RHBDD1: variants seen among roughly 807,000 people sequenced by gnomAD.
RHBDD1 encodes the protein rhomboid-related protein 4.
In RHBDD1, 38 loss-of-function variants were observed where a neutral mutation model predicts 36.3. The observed-to-expected ratio is 1.05, with a 90% CI of 0.81 to 1.37. RHBDD1 has a LOEUF of 1.37. Ranked by LOEUF, RHBDD1 falls within the 40% of genes most tolerant of loss-of-function variation. The pLI is 0.00. For synonymous variants in RHBDD1, 151 were observed against 136.5 expected (o/e 1.11, Z -0.74); for missense variants, 393 against 377.6 (o/e 1.04, Z -0.34).
At chr2:226,976,962 A>G (rs1954704531) in intron 8 of RHBDD1, among the ~76,000 whole-genome samples, 1 of 152,200 alleles carries the variant, frequency 6.6e-6, no homozygotes, top group African/African-American at 2.4e-5. Flanking sequence ...CCAAACAAAC[A>G]GGGTGGATGG....
At chr2:226,800,958 C>T in the RHBDD1 span, among the ~76,000 whole-genome samples, 1 of 152,204 alleles carries the variant, frequency 6.6e-6, no homozygotes, top group South Asian at 2.1e-4. Flanking sequence ...ACAAACGCTC[C>T]CCAGAGTTTT....
chr2:226,981,394 G>C (rs1575440591), intron 8 of RHBDD1, among the ~76,000 whole-genome samples: 2 of 149,978 alleles, frequency 1.3e-5, no homozygotes, highest in Admixed American at 1.3e-4. Context: ...GGAGCTCATT[G>C]AACTTCAAAA....
At chr2:226,842,325 T>C (rs905121083) in intron 3 of RHBDD1, among the ~76,000 whole-genome samples, 17 of 152,232 alleles carry the variant, frequency 1.1e-4, no homozygotes, top group African/African-American at 4.1e-4. Context: ...TTGCTTTTGT[T>C]GCAATTGCTT....
chr2:226,911,992 TC>T (rs1948551168), intron 7 of RHBDD1, among the ~76,000 whole-genome samples: 2 of 152,298 alleles, frequency 1.3e-5, no homozygotes, highest in African/African-American at 4.8e-5. Flanking sequence ...TCTTTTACTT[TC>T]AAGGACGTTC....
At chr2:226,986,701 G>A (rs1267546162) in intron 8 of RHBDD1, among the ~76,000 whole-genome samples, 2 of 152,218 alleles carry the variant, frequency 1.3e-5, no homozygotes, top group Non-Finnish European at 2.9e-5. Flanking sequence ...GAGAGGATGT[G>A]GAAAATGGGA....
At chr2:226,876,857 G>A (rs1945281730) in intron 5 of RHBDD1, among the ~76,000 whole-genome samples, 1 of 152,098 alleles carries the variant, frequency 6.6e-6, no homozygotes, top group Non-Finnish European at 1.5e-5. Flanking sequence ...AGCACAATAT[G>A]TGTTCACATA....
Position 226,997,597 on chromosome 2 carries a change from T to C in RHBDD1, c.*2075T>C, listed in dbSNP as rs1959749218. Reference sequence around the variant, plus strand: ...AGTATTTTTTCCATTGTATTAAGAGTCCAGTCACTGTATATGGAAGTATTT... The same window carrying C: ...AGTATTTTTTCCATTGTATTAAGAGCCCAGTCACTGTATATGGAAGTATTT... On this transcript the variant is annotated 3_prime_UTR_variant, in exon 9 of 9. Transcript: ENST00000392062. 1 of 152,148 alleles carries C rather than the reference T, an allele frequency of 6.6e-6. No individual in the cohort carries two copies. The highest frequency in any genetic ancestry group is 2.1e-4 in the South Asian group (1 of 4,834). The allele number at this position is 152,148 out of a possible 1,614,324, so 9.4% of individuals were successfully genotyped here.
chr2:226,804,354 C>G, the RHBDD1 span: 1 of 152,158 alleles, frequency 6.6e-6, no homozygotes. Flanking sequence ...ATTTAAGAAT[C>G]ATTGGCTTAA....
intron 8 of RHBDD1, among the ~76,000 whole-genome samples, chr2:226,982,080 C>T (rs143072784): frequency 2.6e-5 from 4 of 152,220 alleles, no homozygotes; most frequent in Admixed American, 6.5e-5. Flanking sequence ...AACTTCCCCC[C>T]GCCCTCTTTT....
chr2:226,811,376 A>G, the RHBDD1 span, among the ~76,000 whole-genome samples: 1 of 152,220 alleles, frequency 6.6e-6, no homozygotes, highest in Non-Finnish European at 1.5e-5. Context: ...ATCTTGGCTC[A>G]CTTCAACCTC....
chr2:226,849,460 T>G (rs1040561817), intron 3 of RHBDD1, among the ~76,000 whole-genome samples: 3 of 152,148 alleles, frequency 2.0e-5, no homozygotes, highest in Non-Finnish European at 4.4e-5. Context: ...AGGAATTGAA[T>G]GGGTTGGTGG....
chr2:226,841,986 A>T (rs1941688704), intron 3 of RHBDD1, among the ~76,000 whole-genome samples: 1 of 152,060 alleles, frequency 6.6e-6, no homozygotes, highest in African/African-American at 2.4e-5. Flanking sequence ...AATAATAGCC[A>T]TTCTGACTGG....
At chr2:226,864,224 A>G (rs1024437918) in intron 3 of RHBDD1, among the ~76,000 whole-genome samples, 2 of 152,258 alleles carry the variant, frequency 1.3e-5, no homozygotes, top group African/African-American at 4.8e-5. Context: ...TTTGAAAAAA[A>G]TGGAGGGGAT....
chr2:226,842,330 T>A lies in RHBDD1; in HGVS notation c.-91+2703T>A, dbSNP rs1002112025. Among the ~76,000 whole-genome samples, 4 of 152,198 alleles carry A rather than the reference T, an allele frequency of 2.6e-5. No homozygotes were observed. In the South Asian group the frequency reaches 8.3e-4, roughly 31 times the overall value. ...TTGTCAATTTTTGCTTTTGTTGCAATTGCTTTTGGTGTTTTCATCATGAAA... is the reference window on the plus strand; with the variant it reads ...TTGTCAATTTTTGCTTTTGTTGCAAATGCTTTTGGTGTTTTCATCATGAAA... On this transcript the variant is annotated intron_variant, in intron 3 of 8. Coordinates refer to ENST00000392062, the MANE Select transcript of RHBDD1 (RefSeq NM_001167608.3).
intron 8 of RHBDD1, among the ~76,000 whole-genome samples, chr2:226,925,756 A>G (rs990401659): frequency 4.6e-5 from 7 of 152,220 alleles, no homozygotes; most frequent in Non-Finnish European, 7.3e-5. Context: ...GCTGTTCAAA[A>G]CATTCATTCA....
intron 8 of RHBDD1, among the ~76,000 whole-genome samples, chr2:226,989,407 TGTG>T (rs919639875): frequency 6.6e-6 from 1 of 152,130 alleles, no homozygotes; most frequent in African/African-American, 2.4e-5. Flanking sequence ...GAAGGGGGCT[TGTG>T]GTGGCTTATA....
the RHBDD1 span, among the ~76,000 whole-genome samples, chr2:226,825,714 C>T: frequency 6.6e-6 from 1 of 152,196 alleles, no homozygotes. Context: ...AGGTCACCCA[C>T]TACTAGACAT....
chr2:226,882,452 A>AG (rs1559228482), intron 5 of RHBDD1, among the ~76,000 whole-genome samples: 1 of 136,084 alleles, frequency 7.3e-6, no homozygotes, highest in Non-Finnish European at 1.5e-5. Context: ...AAAAAAAAAA[A>AG]AAGAAGAAGA....
the RHBDD1 span, among the ~76,000 whole-genome samples, chr2:226,814,004 T>A: frequency 6.6e-6 from 1 of 152,234 alleles, no homozygotes; most frequent in Non-Finnish European, 1.5e-5. Flanking sequence ...ACTTTCTATT[T>A]ATTTCTTCTC....
Sources: allele counts gnomAD v4.1 joint callset (sites outside exome capture counted in the v4.1 genomes callset), GRCh38; gene constraint gnomAD v4.1.1; transcripts MANE v1.5; gene names NCBI Gene and HGNC (gene_info 2026-07-23, HGNC 2026-07-21).